The following UBASH3A variants were observed in gnomAD, a reference collection of about 807,000 sequenced individuals.
UBASH3A encodes the protein ubiquitin-associated and SH3 domain-containing protein A.
UBASH3A carries 63 observed loss-of-function variants against 73.5 expected under a neutral mutation model. That is an observed-to-expected ratio of 0.86 (90% CI 0.70 to 1.06). UBASH3A has a LOEUF of 1.06. Among genes scored for constraint, UBASH3A ranks in the 50% least tolerant of loss-of-function variants. The probability of loss-of-function intolerance (pLI) is 0.00; values close to 1 mark genes in which losing one functional copy is unlikely to be tolerated. For missense variants in UBASH3A, 860 were observed against 859.0 expected (o/e 1.00, Z -0.02); for synonymous variants, 363 against 351.1 (o/e 1.03, Z -0.38).
At chr21:42,443,225 G>A (rs540837996) in intron 12 of UBASH3A, 87 bp from the exon 13 acceptor site, 65 of 1,467,026 alleles carry the variant, frequency 4.4e-5, no homozygotes, top group African/African-American at 3.4e-4. Context: ...CTGGAAGAAC[G>A]TTCTCCTTCC....
intron 6 of UBASH3A, among the ~76,000 whole-genome samples, chr21:42,417,281 G>A (rs530384945): frequency 4.0e-5 from 6 of 151,646 alleles, no homozygotes; most frequent in South Asian, 2.1e-4. Context: ...AAAATTAGCC[G>A]GGCGTGATGG....
At chr21:42,407,342 A>G (rs904153521) in intron 2 of UBASH3A, among the ~76,000 whole-genome samples, 3 of 152,168 alleles carry the variant, frequency 2.0e-5, no homozygotes, top group East Asian at 1.9e-4. Flanking sequence ...AGTGTTCCCA[A>G]TGGGATGCCC....
chr21:42,422,014 C>A (rs554700133), intron 7 of UBASH3A, among the ~76,000 whole-genome samples: 1 of 152,226 alleles, frequency 6.6e-6, no homozygotes, highest in East Asian at 1.9e-4. Context: ...TATTATATTT[C>A]TTTTTGCTAA....
intron 10 of UBASH3A, among the ~76,000 whole-genome samples, chr21:42,436,741 C>T (rs531186305): frequency 6.6e-6 from 1 of 152,284 alleles, no homozygotes; most frequent in South Asian, 2.1e-4. Context: ...TGTAGGGACT[C>T]CCATATTTCC....
chr21:42,435,165 G>T, intron 10 of UBASH3A: 1 of 447,630 alleles, frequency 2.2e-6, no homozygotes, highest in African/African-American at 2.0e-5. Flanking sequence ...TTTGATCTAG[G>T]AATGGATGAT....
chr21:42,416,422 G>C lies in UBASH3A; in HGVS notation c.668-20G>C. 1 of 1,545,644 alleles carries C rather than the reference G, an allele frequency of 6.5e-7. No individual in the cohort carries two copies. The highest frequency in any genetic ancestry group is 8.7e-7 in the Non-Finnish European group (1 of 1,146,602). On this transcript the variant is annotated intron_variant, in intron 5 of 14. Coordinates refer to ENST00000319294, the MANE Select transcript of UBASH3A (RefSeq NM_018961.4). ...AGGTAACGGTGTCCTGGCACCCTCT[G>C]TGTTTCCCTGATTTCACAGACTGCT...
At chr21:42,444,751 GC>G in intron 14 of UBASH3A, 108 bp downstream of exon 14, 2 of 932,938 alleles carry the variant, frequency 2.1e-6, no homozygotes, top group Non-Finnish European at 3.4e-6. Flanking sequence ...CTGACCCAGG[GC>G]CACCAGGATC....
At chr21:42,421,262 A>T (rs1244920682) in intron 7 of UBASH3A, among the ~76,000 whole-genome samples, 1 of 152,160 alleles carries the variant, frequency 6.6e-6, no homozygotes, top group Non-Finnish European at 1.5e-5. Flanking sequence ...TGATGGTTGG[A>T]ACAACTGAAT....
chr21:42,437,939 T>C (rs1351896972), intron 11 of UBASH3A, among the ~76,000 whole-genome samples: 1 of 152,234 alleles, frequency 6.6e-6, no homozygotes, highest in Non-Finnish European at 1.5e-5. Context: ...TAAGTCTGAA[T>C]TGCATGACCC....
At position 42,437,470 on chromosome 21, in the gene UBASH3A, T is replaced by C; in HGVS notation, c.1394-18T>C. ...GAATTATGAAGGGGCATTTTCTGCC[T>C]TTTTCACTATTTTCCAGGGGACGCG... is the stretch of plus-strand genomic sequence containing the variant. On this transcript the variant is annotated intron_variant, in intron 10 of 14. Transcript: ENST00000319294. The C allele has an allele frequency of 6.2e-7, 1 of 1,608,638 alleles. No homozygotes were observed. The highest frequency in any genetic ancestry group is 8.5e-7 in the Non-Finnish European group (1 of 1,175,028).
intron 14 of UBASH3A, among the ~76,000 whole-genome samples, chr21:42,446,294 G>T (rs1568945401): frequency 6.6e-6 from 1 of 152,116 alleles, no homozygotes; most frequent in Non-Finnish European, 1.5e-5. Context: ...TACAAAGGGG[G>T]GGCTCTACCA....
chr21:42,418,727 A>G, intron 7 of UBASH3A, 118 bp downstream of exon 7: 3 of 930,750 alleles, frequency 3.2e-6, no homozygotes, highest in East Asian at 2.7e-5. Context: ...TGCATTCTGT[A>G]TGCTGACAAA....
At position 42,426,812 on chromosome 21, in the gene UBASH3A, G is replaced by A; in HGVS notation, c.1162G>A (p.Ala388Thr). The change falls in exon 8 of 15, where the codon GCC becomes ACC. Residue 388 changes from alanine (A) to threonine (T), a missense_variant. By Grantham distance (58) the Ala-to-Thr change is moderately conservative (BLOSUM62 0). Transcript: ENST00000319294. ...GGCAAGGAGTCTTAGCAGCTTACAGGCCTTGCAGGTAATAGAACATTCCCT... is the reference window on the plus strand; with the variant it reads ...GGCAAGGAGTCTTAGCAGCTTACAGACCTTGCAGGTAATAGAACATTCCCT... ...QTARSLSSLQALQATVARKSV... is the reference protein window; with the variant it reads ...QTARSLSSLQTLQATVARKSV... 6.2e-7 allele frequency: 1 copy of A among 1,613,866 alleles called. No individual in the cohort carries two copies. Among genetic ancestry groups the A allele is most frequent in the Non-Finnish European group, 8.5e-7 (1 of 1,179,906 alleles).
chr21:42,408,960 G>A (rs2053036678), intron 2 of UBASH3A, among the ~76,000 whole-genome samples: 1 of 140,570 alleles, frequency 7.1e-6, no homozygotes, highest in Non-Finnish European at 1.6e-5. Context: ...AAAACTGTCT[G>A]AATCTAAAGA....
chr21:42,425,210 G>A (rs533345587), intron 7 of UBASH3A, among the ~76,000 whole-genome samples: 11 of 152,338 alleles, frequency 7.2e-5, no homozygotes, highest in African/African-American at 2.6e-4. Context: ...TTAAGTCAAA[G>A]AGAAAAATGG....
At chr21:42,432,015 C>T (rs1212178710) in intron 8 of UBASH3A, 88 bp from the exon 9 acceptor site, 1 of 747,344 alleles carries the variant, frequency 1.3e-6, no homozygotes, top group African/African-American at 1.7e-5. Flanking sequence ...CTCGCAGTTG[C>T]TGGGTGACTG....
intron 7 of UBASH3A, 150 bp from the exon 8 acceptor site, chr21:42,426,547 T>C: frequency 1.3e-6 from 1 of 791,724 alleles, no homozygotes; most frequent in East Asian, 2.6e-5. Context: ...CCTGAGCACT[T>C]TGCACACGCT....
chr21:42,418,652 G>A (rs1234024980), intron 7 of UBASH3A, 43 bp downstream of exon 7: 1 of 1,569,368 alleles, frequency 6.4e-7, no homozygotes, highest in South Asian at 1.1e-5. Context: ...CTCTCTCTGA[G>A]TTACTGTGTG....
chr21:42,413,198 G>T lies in UBASH3A; in HGVS notation c.529G>T (p.Ala177Ser). 6.2e-7 allele frequency: 1 copy of T among 1,614,202 alleles called. No homozygotes were observed. The change falls in exon 4 of 15, where the codon GCC becomes TCC. Residue 177 changes from alanine to serine, a missense_variant. By Grantham distance (99) the Ala-to-Ser change is moderately conservative. Coordinates refer to ENST00000319294, the MANE Select transcript of UBASH3A (RefSeq NM_018961.4). This position sits in a 1 kb window ranked among gnomAD's most constrained non-coding sequence, Gnocchi z 4.5. ...DVIREFAMTFATEASLLAGTS... is the reference protein window; with the variant it reads ...DVIREFAMTFSTEASLLAGTS... ...CATCCGGGAATTCGCCATGACCTTC[G>T]CCACGGAAGCATCTCTCTTAGCAGG... is the stretch of plus-strand genomic sequence containing the variant.
Sources: gnomAD v4.1 joint callset for allele counts (sites outside exome capture counted in the v4.1 genomes callset) on GRCh38, gnomAD v4.1.1 for gene constraint, Gnocchi (gnomAD v3.1) non-coding constraint, MANE v1.5 for transcripts, NCBI Gene and HGNC (gene_info 2026-07-23, HGNC 2026-07-21) for gene names.